CACNA2D3: variants seen among roughly 807,000 people sequenced by gnomAD.
CACNA2D3 encodes the protein calcium voltage-gated channel auxiliary subunit alpha2delta 3.
CACNA2D3 carries 60 observed loss-of-function variants against 160.6 expected under a neutral mutation model. That is an observed-to-expected ratio of 0.37 (90% CI 0.30 to 0.46). The LOEUF (loss-of-function observed/expected upper bound fraction) is 0.46. CACNA2D3 is among the 20% of genes least tolerant of loss of function. The pLI is 1.00. For missense variants in CACNA2D3, 1,205 were observed against 1,365.0 expected, an observed-to-expected ratio of 0.88 and a Z score of 1.85; for synonymous variants, 558 against 492.9, an observed-to-expected ratio of 1.13 and a Z score of -1.75.
chr3:54,849,394 TAACCACCAGTCCCCTCAG>T (rs1699008034), intron 17 of CACNA2D3, among the ~76,000 whole-genome samples: 1 of 152,188 alleles, frequency 6.6e-6, no homozygotes, highest in Non-Finnish European at 1.5e-5. Flanking sequence ...CCTCCTTCCT[TAACCACCAGTCCCCTCAG>T]CACAGAGCAG....
chr3:54,285,071 A>G (rs1185542797), intron 2 of CACNA2D3, among the ~76,000 whole-genome samples: 1 of 152,194 alleles, frequency 6.6e-6, no homozygotes, highest in Non-Finnish European at 1.5e-5. Flanking sequence ...AGGGAGTGCC[A>G]GACAGTGGGT....
chr3:54,495,348 T>C (rs1701186947), intron 4 of CACNA2D3, among the ~76,000 whole-genome samples: 1 of 152,206 alleles, frequency 6.6e-6, no homozygotes, highest in South Asian at 2.1e-4. Flanking sequence ...CTTTAATTTT[T>C]TTTATTGAGG....
intron 13 of CACNA2D3, among the ~76,000 whole-genome samples, chr3:54,795,037 C>A (rs1489827047): frequency 6.6e-6 from 1 of 152,020 alleles, no homozygotes; most frequent in Non-Finnish European, 1.5e-5. Context: ...CACATTTATT[C>A]ATCTACTTGA....
intron 13 of CACNA2D3, among the ~76,000 whole-genome samples, chr3:54,791,737 A>G (rs1174876693): frequency 6.6e-6 from 1 of 152,146 alleles, no homozygotes; most frequent in African/African-American, 2.4e-5. Context: ...AAGTAACCAG[A>G]TTTTGCTTTA....
intron 27 of CACNA2D3, among the ~76,000 whole-genome samples, chr3:54,964,403 A>G (rs1311033028): frequency 7.8e-6 from 1 of 127,664 alleles, no homozygotes; most frequent in African/African-American, 2.5e-5. Context: ...AACCCCAGGA[A>G]TGGTGATTTT....
intron 11 of CACNA2D3, among the ~76,000 whole-genome samples, chr3:54,671,384 G>A (rs760744422): frequency 2.6e-5 from 4 of 152,028 alleles, no homozygotes; most frequent in Non-Finnish European, 5.9e-5. Flanking sequence ...TTGGGAGCCT[G>A]TGAGAGTGTA....
intron 11 of CACNA2D3, among the ~76,000 whole-genome samples, chr3:54,727,092 C>T (rs1459872586): frequency 1.3e-5 from 2 of 152,094 alleles, no homozygotes; most frequent in African/African-American, 4.8e-5. Context: ...AAAAAGTGGG[C>T]AAAGGATATG....
intron 2 of CACNA2D3, among the ~76,000 whole-genome samples, chr3:54,194,126 A>T (rs1431451306): frequency 3.9e-5 from 6 of 152,210 alleles, no homozygotes. Context: ...GGGTACAAAC[A>T]TACAATTAAA....
At chr3:54,287,655 A>G (rs1488579351) in intron 2 of CACNA2D3, among the ~76,000 whole-genome samples, 1 of 143,774 alleles carries the variant, frequency 7.0e-6, no homozygotes, top group Non-Finnish European at 1.5e-5. Context: ...ACCTATTCCA[A>G]AATTGACCAC....
intron 35 of CACNA2D3, among the ~76,000 whole-genome samples, chr3:55,028,361 G>C (rs1703609742): frequency 6.6e-6 from 1 of 152,158 alleles, no homozygotes; most frequent in South Asian, 2.1e-4. Context: ...AATGTCATTA[G>C]GGTTGGTGGT....
At chr3:54,962,080 T>C (rs1341567574) in intron 27 of CACNA2D3, among the ~76,000 whole-genome samples, 2 of 152,180 alleles carry the variant, frequency 1.3e-5, no homozygotes, top group Non-Finnish European at 2.9e-5. Context: ...CATTAATCTA[T>C]TAATAGATTA....
chr3:54,629,391 A>G (rs1699185971), intron 10 of CACNA2D3, among the ~76,000 whole-genome samples: 2 of 152,142 alleles, frequency 1.3e-5, no homozygotes, highest in Admixed American at 6.5e-5. Flanking sequence ...GCTAGGCCCT[A>G]ATTTCCAGAC....
chr3:55,004,971 T>TAAAA, intron 32 of CACNA2D3, 133 bp downstream of exon 32: 1 of 509,606 alleles, frequency 2.0e-6, no homozygotes, highest in Non-Finnish European at 3.4e-6. Context: ...TTTACTCACT[T>TAAAA]AAAAAAAAAA....
At chr3:54,591,971 T>C (rs1346503852) in intron 9 of CACNA2D3, among the ~76,000 whole-genome samples, 4 of 152,162 alleles carry the variant, frequency 2.6e-5, no homozygotes, top group Non-Finnish European at 5.9e-5. Flanking sequence ...ATACCCAAGA[T>C]TCTTTCCTGC....
chr3:54,659,264 A>C (rs1020859604), intron 11 of CACNA2D3, among the ~76,000 whole-genome samples: 1 of 152,248 alleles, frequency 6.6e-6, no homozygotes, highest in Non-Finnish European at 1.5e-5. Flanking sequence ...CGAAGTGCCC[A>C]GAGTGGTGCC....
intron 2 of CACNA2D3, among the ~76,000 whole-genome samples, chr3:54,289,797 A>G (rs909709528): frequency 2.6e-5 from 4 of 152,134 alleles, no homozygotes; most frequent in Non-Finnish European, 4.4e-5. Flanking sequence ...GAGAAAAACA[A>G]GTAATGGGGA....
intron 12 of CACNA2D3, among the ~76,000 whole-genome samples, chr3:54,760,802 G>T (rs147961451): frequency 6.6e-6 from 1 of 152,240 alleles, no homozygotes; most frequent in East Asian, 1.9e-4. Flanking sequence ...CTGGGAAGTG[G>T]TGCCATTTTC....
rs185559660 is a variant in CACNA2D3 at position 54,559,122 on chromosome 3, C to T, written c.545-3678C>T. Among the ~76,000 whole-genome samples, 40 of 152,168 alleles carry T rather than the reference C, an allele frequency of 2.6e-4. No homozygotes were observed. In the East Asian group the frequency reaches 7.4e-3, roughly 28 times the overall value. On this transcript the variant is annotated intron_variant, in intron 5 of 37. Coordinates refer to ENST00000474759, the MANE Select transcript of CACNA2D3 (RefSeq NM_018398.3). ...TTGACAGCTATTTCTCCTCTAAGAA[C>T]GGAATGTTGCTTAATGTGGCATCAT...
intron 11 of CACNA2D3, among the ~76,000 whole-genome samples, chr3:54,682,161 G>GCACACACACACACACACACA (rs138753206): frequency 6.9e-6 from 1 of 144,668 alleles, no homozygotes; most frequent in African/African-American, 2.6e-5. Context: ...AAACAGAACA[G>GCACACACACACACACACACA]CACACACACA....
Sources: gnomAD v4.1 joint callset for allele counts (sites outside exome capture counted in the v4.1 genomes callset) on GRCh38, gnomAD v4.1.1 for gene constraint, MANE v1.5 for transcripts, NCBI Gene and HGNC (gene_info 2026-07-23, HGNC 2026-07-21) for gene names.